The following MLLT3 variants were observed in gnomAD, a reference collection of about 807,000 sequenced individuals.
MLLT3 encodes the protein MLLT3 super elongation complex subunit.
Under a neutral mutation model 53.2 loss-of-function variants are expected in MLLT3, and 4 were observed. The observed-to-expected ratio is 0.08, with a 90% confidence interval of 0.04 to 0.17. MLLT3 has a LOEUF of 0.17. MLLT3 is among the 10% of genes least tolerant of loss of function. The probability of loss-of-function intolerance (pLI) is 1.00; values close to 1 mark genes in which losing one functional copy is unlikely to be tolerated. For synonymous variants in MLLT3, 283 were observed against 230.6 expected (o/e 1.23, Z -2.06); for missense variants, 569 against 684.0 (o/e 0.83, Z 1.87).
At chr9:20,363,227 C>T in intron 7 of MLLT3, 1 of 377,606 alleles carries the variant, frequency 2.6e-6, no homozygotes, top group Middle Eastern at 6.8e-4. Context: ...CATACTTTTC[C>T]AAGGACAAGG....
intron 2 of MLLT3, among the ~76,000 whole-genome samples, chr9:20,567,304 TAAAAAA>T (rs35505450): frequency 1.3e-5 from 1 of 79,974 alleles, no homozygotes; most frequent in African/African-American, 4.8e-5. Context: ...CTATATTCAG[TAAAAAA>T]AAAAAAAAAA....
rs747900361 is a variant in MLLT3 at position 20,363,485 on chromosome 9, C to T, written c.1322G>A (p.Arg441Gln). ...CTTCCAAGATACTCACCTGCGACTT[C>T]GGCTGCCTCCTCTATTTACAGGCCT... The part of the protein sequence containing the change: ...MERPVNRGGS[R>Q]SRRVSLSDGS... Residue 441 changes from arginine (R) to glutamine (Q), a missense_variant, in exon 7 of 11, where the codon CGA (arginine) becomes CAA (glutamine). By Grantham distance (43) the Arg-to-Gln change is conservative. This residue lies in a region of MLLT3 where 437 missense variants were observed against 376.5 expected (regional missense o/e 1.16). Coordinates refer to ENST00000380338, the MANE Select transcript of MLLT3 (RefSeq NM_004529.4). 2.0e-5 allele frequency: 32 copies of T among 1,613,592 alleles called. No homozygotes were observed. The highest frequency in any genetic ancestry group is 2.2e-5 in the South Asian group (2 of 90,992).
chr9:20,544,444 T>C (rs1203571094), intron 2 of MLLT3, among the ~76,000 whole-genome samples: 1 of 152,180 alleles, frequency 6.6e-6, no homozygotes, highest in Non-Finnish European at 1.5e-5. Flanking sequence ...CAGACATTTC[T>C]CCAAAGAAAA....
At chr9:20,473,870 T>C (rs142687932) in intron 2 of MLLT3, among the ~76,000 whole-genome samples, 1 of 152,278 alleles carries the variant, frequency 6.6e-6, no homozygotes, top group East Asian at 1.9e-4. Flanking sequence ...ATGCAACTTG[T>C]AAATTACTAC....
At chr9:20,460,381 T>A (rs191549870) in intron 2 of MLLT3, among the ~76,000 whole-genome samples, 4 of 152,260 alleles carry the variant, frequency 2.6e-5, no homozygotes, top group Admixed American at 2.0e-4. Flanking sequence ...TAAAATGGGA[T>A]AATTAACATT....
Position 20,599,095 on chromosome 9 carries a change from A to G in MLLT3, c.193+21559T>C, listed in dbSNP as rs375409339. Among the ~76,000 whole-genome samples, 124 of 152,188 alleles carry G rather than the reference A, an allele frequency of 8.1e-4. 1 individual carries two copies. In the South Asian group the frequency reaches 0.025, roughly 31 times the overall value. On this transcript the variant is annotated intron_variant, in intron 2 of 10. Transcript: ENST00000380338. Reference sequence around the variant, plus strand: ...CCAAGGCGGGCAGATCACGAGGTCAAGAGATCGAGACCATGCTAGCCAACA... The same window carrying G: ...CCAAGGCGGGCAGATCACGAGGTCAGGAGATCGAGACCATGCTAGCCAACA...
intron 2 of MLLT3, among the ~76,000 whole-genome samples, chr9:20,609,155 A>T (rs1820640109): frequency 1.3e-5 from 2 of 152,058 alleles, no homozygotes; most frequent in Non-Finnish European, 2.9e-5. Flanking sequence ...TTTTGGATAA[A>T]TTATCGGCTC....
At chr9:20,544,782 C>T (rs1442771921) in intron 2 of MLLT3, among the ~76,000 whole-genome samples, 1 of 152,092 alleles carries the variant, frequency 6.6e-6, no homozygotes, top group Non-Finnish European at 1.5e-5. Flanking sequence ...TATTTGTACC[C>T]CCACGTTCAA....
At chr9:20,616,826 C>G (rs1423957462) in intron 2 of MLLT3, among the ~76,000 whole-genome samples, 1 of 152,096 alleles carries the variant, frequency 6.6e-6, no homozygotes, top group East Asian at 1.9e-4. Context: ...AAAACAGTCA[C>G]AAGAAACATG....
chr9:20,620,589 C>A lies in MLLT3; in HGVS notation c.193+65G>T, dbSNP rs1820976053. On this transcript the variant is annotated intron_variant, in intron 2 of 10. Coordinates refer to ENST00000380338, the MANE Select transcript of MLLT3 (RefSeq NM_004529.4). The surrounding 1 kb of genome is among the most constrained non-coding windows in gnomAD (Gnocchi z 6.1). ...GGGGCGGGGAGCGGGACAGCGGGAC[C>A]GCCCGGGCCAAGCGATTGTTTCAAA... 2.0e-6 allele frequency: 3 copies of A among 1,493,482 alleles called. No homozygotes were observed. Among genetic ancestry groups the A allele is most frequent in the Admixed American group, 1.9e-5 (1 of 52,932 alleles). The allele number at this position is 1,493,482 out of a possible 1,614,324, so 92.5% of individuals were successfully genotyped here.
intron 2 of MLLT3, among the ~76,000 whole-genome samples, chr9:20,484,828 C>T (rs1824765689): frequency 6.6e-6 from 1 of 152,088 alleles, no homozygotes; most frequent in Non-Finnish European, 1.5e-5. Context: ...AACACAAGCA[C>T]ATGAACCAGA....
intron 10 of MLLT3, among the ~76,000 whole-genome samples, chr9:20,352,624 A>G (rs1396037476): frequency 6.6e-6 from 1 of 152,052 alleles, no homozygotes; most frequent in Non-Finnish European, 1.5e-5. Context: ...GCCAGTCAGG[A>G]AACTTGGCAA....
chr9:20,360,623 T>C (rs1336151987), intron 8 of MLLT3, 119 bp downstream of exon 8: 2 of 776,128 alleles, frequency 2.6e-6, no homozygotes, highest in Non-Finnish European at 4.5e-6. Context: ...CTCCCTCCCA[T>C]CTATTTGGCA....
chr9:20,612,540 TA>T (rs1318738405), intron 2 of MLLT3, among the ~76,000 whole-genome samples: 7 of 150,714 alleles, frequency 4.6e-5, no homozygotes, highest in African/African-American at 1.7e-4. Flanking sequence ...TAAATCAAGA[TA>T]AAAGAAAAAA....
chr9:20,421,888 G>A (rs1291960149), intron 4 of MLLT3, among the ~76,000 whole-genome samples: 2 of 151,518 alleles, frequency 1.3e-5, no homozygotes, highest in African/African-American at 4.8e-5. Flanking sequence ...AAAATGGACT[G>A]CTGATGCTTT....
At chr9:20,464,070 G>A (rs1824176354) in intron 2 of MLLT3, among the ~76,000 whole-genome samples, 1 of 151,484 alleles carries the variant, frequency 6.6e-6, no homozygotes, top group African/African-American at 2.4e-5. Context: ...ATTTCTGTAG[G>A]TAGCAGAAAA....
In MLLT3 at chr9:20,565,967, T is replaced by TA. The variant is rs1563820582; in HGVS notation, c.193+54686_193+54687insT. ...ATATATATATATTTATATATATATA[T>TA]TTATATATATATATATTTATTTATA... On this transcript the variant is annotated intron_variant, in intron 2 of 10. Coordinates refer to ENST00000380338, the MANE Select transcript of MLLT3 (RefSeq NM_004529.4). 2.1e-3 allele frequency among the ~76,000 whole-genome samples: 82 copies of TA among 38,944 alleles called. 1 individual carries two copies. Among genetic ancestry groups the TA allele is most frequent in the South Asian group, 0.012 (13 of 1,096 alleles). 25.5% of individuals were successfully genotyped at this position (38,944 alleles called of 152,430 possible). A position where few individuals can be genotyped will look rare whatever the true frequency, so the allele number is the denominator to read the frequency against.
intron 5 of MLLT3, among the ~76,000 whole-genome samples, chr9:20,392,395 A>G (rs1319505228): frequency 7.9e-5 from 12 of 152,070 alleles, no homozygotes; most frequent in Admixed American, 7.2e-4. Context: ...CTGACATACA[A>G]TTTTTCTATT....
intron 2 of MLLT3, among the ~76,000 whole-genome samples, chr9:20,562,207 T>C (rs1819234712): frequency 6.6e-6 from 1 of 152,114 alleles, no homozygotes; most frequent in South Asian, 2.1e-4. Context: ...TCCATAGTAA[T>C]ACTAGTTTCA....
Sources: gnomAD v4.1 joint callset for allele counts (sites outside exome capture counted in the v4.1 genomes callset) on GRCh38, gnomAD v4.1.1 for gene constraint, gnomAD v4.1.1 regional missense constraint, Gnocchi (gnomAD v3.1) non-coding constraint, MANE v1.5 for transcripts, NCBI Gene and HGNC (gene_info 2026-07-23, HGNC 2026-07-21) for gene names.